Variants in CDC23 observed in about 807,000 individuals in gnomAD.
The protein encoded by CDC23 is cell division cycle 23, also known as cell division cycle protein 23 homolog.
In CDC23, 26 loss-of-function variants were observed where a neutral mutation model predicts 81.7. The ratio of observed to expected loss-of-function variants is 0.32; its 90% CI spans 0.23 to 0.44. CDC23 has a LOEUF of 0.44. Among genes scored for constraint, CDC23 ranks in the 20% least tolerant of loss-of-function variants. The pLI, the probability that CDC23 is intolerant of heterozygous loss-of-function variation, is 1.00. For missense variants in CDC23, 519 were observed against 728.0 expected, an observed-to-expected ratio of 0.71 and a Z score of 3.30; for synonymous variants, 267 against 270.8, an observed-to-expected ratio of 0.99 and a Z score of 0.14.
intron 3 of CDC23, among the ~76,000 whole-genome samples, chr5:138,205,513 T>A (rs776626227): frequency 3.3e-5 from 5 of 151,924 alleles, no homozygotes; most frequent in Non-Finnish European, 5.9e-5. Flanking sequence ...AATAGAATAG[T>A]GGTTGCCAAG....
At chr5:138,203,379 A>T (rs1755011762) in intron 3 of CDC23, among the ~76,000 whole-genome samples, 1 of 152,190 alleles carries the variant, frequency 6.6e-6, no homozygotes, top group Non-Finnish European at 1.5e-5. Flanking sequence ...GAACTCCTGT[A>T]CTTTCTGCTC....
intron 3 of CDC23, among the ~76,000 whole-genome samples, chr5:138,205,119 C>A (rs114974142): frequency 6.6e-6 from 1 of 151,894 alleles, no homozygotes; most frequent in Non-Finnish European, 1.5e-5. Flanking sequence ...TTCACCATGC[C>A]GCCCGGGCTT....
chr5:138,207,901 T>C (rs1470842232), intron 2 of CDC23, among the ~76,000 whole-genome samples: 2 of 151,704 alleles, frequency 1.3e-5, no homozygotes. Flanking sequence ...ATCACTTCAA[T>C]CTGGTGACGT....
intron 6 of CDC23, 165 bp downstream of exon 6, chr5:138,200,942 C>A: frequency 1.6e-6 from 1 of 644,936 alleles, no homozygotes; most frequent in Non-Finnish European, 2.6e-6. Flanking sequence ...AGTCATCAGT[C>A]TTTCAAACAA....
chr5:138,212,954 G>C lies in CDC23; in HGVS notation c.234+37C>G, dbSNP rs373366936. ...CAGTGGCTCTTGAGGCACACCCCTG[G>C]GTTGATGGGGAGCGCTCACTGTAAA... On this transcript the variant is annotated intron_variant, in intron 2 of 15. Transcript: ENST00000394886. 4.1e-4 allele frequency: 650 copies of C among 1,573,568 alleles called. 4 individuals are homozygous for C. In the African/African-American group the frequency reaches 7.6e-3, roughly 18 times the overall value.
At chr5:138,208,850 G>A (rs958483552) in intron 2 of CDC23, among the ~76,000 whole-genome samples, 7 of 152,236 alleles carry the variant, frequency 4.6e-5, no homozygotes, top group Middle Eastern at 3.4e-3. Context: ...GTGTAGTGGC[G>A]CAATCTCAAA....
intron 9 of CDC23, among the ~76,000 whole-genome samples, chr5:138,195,516 A>T (rs1754875341): frequency 8.1e-6 from 1 of 123,808 alleles, no homozygotes; most frequent in East Asian, 2.0e-4. Context: ...TATATATATA[A>T]ATATATATAA....
intron 2 of CDC23, among the ~76,000 whole-genome samples, chr5:138,208,167 G>A (rs1224627366): frequency 6.6e-6 from 1 of 152,030 alleles, no homozygotes; most frequent in African/African-American, 2.4e-5. Flanking sequence ...CACCAGGCTG[G>A]TCTTGAACTC....
rs1164273429 is a variant in CDC23, at chr5:138,213,209, T to C, written c.104A>G (p.Gln35Arg). 6.2e-7 allele frequency: 1 copy of C among 1,614,094 alleles called. No individual in the cohort carries two copies. The highest frequency in any genetic ancestry group is 8.5e-7 in the Non-Finnish European group (1 of 1,180,052). The part of the protein sequence containing the change: ...DFSDLREIKK[Q>R]LLLIAGLTRE... Reference sequence around the variant, plus strand: ...GGTAAGGCCCGCAATAAGCAGCAGTTGCTTTTTAATTTCCCGCAAATCTGA... The same window carrying C: ...GGTAAGGCCCGCAATAAGCAGCAGTCGCTTTTTAATTTCCCGCAAATCTGA... Residue 35 changes from glutamine (Q) to arginine (R), a missense_variant, in exon 1 of 16, where the codon CAA becomes CGA. By Grantham distance (43) the Gln-to-Arg change is conservative. Coordinates refer to ENST00000394886, the MANE Select transcript of CDC23 (RefSeq NM_004661.4).
intron 1 of CDC23, 43 bp from the exon 2 acceptor site, chr5:138,213,106 A>C: frequency 6.2e-7 from 1 of 1,613,796 alleles, no homozygotes; most frequent in Non-Finnish European, 8.5e-7. Flanking sequence ...CAAGCCCCCC[A>C]AGGCCAAGGA....
At chr5:138,201,471 G>GT in intron 4 of CDC23, 23 bp from the exon 5 acceptor site, 3 of 1,488,600 alleles carry the variant, frequency 2.0e-6, no homozygotes, top group Non-Finnish European at 2.8e-6. Flanking sequence ...CAGAGTCTCT[G>GT]TTCTAAGGTT....
At chr5:138,197,760 G>A (rs1754933508) in intron 9 of CDC23, among the ~76,000 whole-genome samples, 1 of 152,000 alleles carries the variant, frequency 6.6e-6, no homozygotes, top group South Asian at 2.1e-4. Context: ...ATCCCAAAGT[G>A]CTGGGATTAC....
chr5:138,204,340 A>C (rs562869356), intron 3 of CDC23, among the ~76,000 whole-genome samples: 1 of 152,072 alleles, frequency 6.6e-6, no homozygotes, highest in East Asian at 2.0e-4. Flanking sequence ...CCCCATCTCT[A>C]CTAAAATTAC....
At chr5:138,195,756 T>C (rs1307558897) in intron 9 of CDC23, among the ~76,000 whole-genome samples, 8 of 117,006 alleles carry the variant, frequency 6.8e-5, no homozygotes, top group East Asian at 6.3e-4. Context: ...TGTATATATA[T>C]ACATATATTA....
At chr5:138,196,077 G>A (rs1754901619) in intron 9 of CDC23, among the ~76,000 whole-genome samples, 1 of 150,790 alleles carries the variant, frequency 6.6e-6, no homozygotes, top group South Asian at 2.1e-4. Flanking sequence ...ATGAAAGCTA[G>A]CGTATTATTT....
At chr5:138,198,914 A>G in intron 6 of CDC23, 132 bp from the exon 7 acceptor site, 1 of 848,240 alleles carries the variant, frequency 1.2e-6, no homozygotes, top group East Asian at 2.7e-5. Context: ...TAATGAAAAC[A>G]GGACAGTCCA....
chr5:138,203,461 A>C (rs1474005904), intron 3 of CDC23, among the ~76,000 whole-genome samples: 2 of 152,146 alleles, frequency 1.3e-5, no homozygotes, highest in African/African-American at 4.8e-5. Flanking sequence ...AAGAAAAAGA[A>C]ACAGGGAGGG....
At chr5:138,203,742 T>C (rs1333331086) in intron 3 of CDC23, among the ~76,000 whole-genome samples, 2 of 151,860 alleles carry the variant, frequency 1.3e-5, no homozygotes, top group African/African-American at 4.8e-5. Context: ...CGAAACCCCG[T>C]CCCTACTAAA....
chr5:138,193,606 G>C (rs1257678537), intron 9 of CDC23, among the ~76,000 whole-genome samples: 3 of 147,246 alleles, frequency 2.0e-5, no homozygotes, highest in Non-Finnish European at 4.5e-5. Flanking sequence ...AAAAAAAAAG[G>C]AAAAAAAGAG....
Sources: gnomAD v4.1 joint callset for allele counts (sites outside exome capture counted in the v4.1 genomes callset) on GRCh38, gnomAD v4.1.1 for gene constraint, MANE v1.5 for transcripts, NCBI Gene and HGNC (gene_info 2026-07-23, HGNC 2026-07-21) for gene names.